The following SH3KBP1 variants were observed in gnomAD, a reference collection of about 807,000 sequenced individuals.
SH3KBP1 encodes SH3 domain-containing kinase-binding protein 1.
In SH3KBP1, 8 loss-of-function variants were observed where a neutral mutation model predicts 50.1. That is an observed-to-expected ratio of 0.16 (90% CI 0.09 to 0.29). The LOEUF (loss-of-function observed/expected upper bound fraction) is 0.29, where lower values mean the gene tolerates loss of function less well. SH3KBP1 is among the 10% of genes least tolerant of loss of function. The pLI is 1.00. For missense variants in SH3KBP1, 377 were observed against 535.2 expected (o/e 0.70, Z 2.92); for synonymous variants, 227 against 218.6 (o/e 1.04, Z -0.34).
intron 3 of SH3KBP1, among the ~76,000 whole-genome samples, chrX:19,711,031 A>AC (rs1266713474): frequency 9.0e-6 from 1 of 111,050 alleles, no homozygotes; most frequent in Non-Finnish European, 1.9e-5. Context: ...TAGATTACTA[A>AC]CCCCCTTTTT....
chrX:19,718,167 C>G (rs980835529), intron 3 of SH3KBP1, among the ~76,000 whole-genome samples: 3 of 110,766 alleles, frequency 2.7e-5, no homozygotes, highest in African/African-American at 9.9e-5. Flanking sequence ...CACACACACA[C>G]ACACACACAC....
intron 7 of SH3KBP1, among the ~76,000 whole-genome samples, chrX:19,634,760 T>G (rs1426939854): frequency 1.8e-5 from 2 of 112,017 alleles, no homozygotes; most frequent in African/African-American, 3.2e-5. Context: ...ATGACCTCAG[T>G]GTCCTCAGGT....
intron 1 of SH3KBP1, among the ~76,000 whole-genome samples, chrX:19,840,695 AT>A (rs1475654700): frequency 8.9e-6 from 1 of 112,525 alleles, no homozygotes; most frequent in East Asian, 2.8e-4. Flanking sequence ...ATTACCTATG[AT>A]TTTTTTAAAG....
chrX:19,618,341 G>A (rs1392627974), intron 8 of SH3KBP1, among the ~76,000 whole-genome samples: 1 of 93,101 alleles, frequency 1.1e-5, no homozygotes, highest in East Asian at 3.3e-4. Flanking sequence ...CCGAGATTTT[G>A]CCACTGTACT....
chrX:19,694,188 T>C (rs73459694), intron 5 of SH3KBP1, among the ~76,000 whole-genome samples: 5,283 of 111,983 alleles, frequency 0.047, 317 homozygotes, highest in African/African-American at 0.16. Flanking sequence ...TTTGGTCCTC[T>C]CTCCAAAAAA....
At chrX:19,744,512 G>C (rs753645054) in intron 3 of SH3KBP1, among the ~76,000 whole-genome samples, 1 of 111,824 alleles carries the variant, frequency 8.9e-6, no homozygotes, top group South Asian at 3.7e-4. Flanking sequence ...AGGAGGTCAG[G>C]GTGAAGCCTC....
chrX:19,730,522 A>G (rs938896933), intron 3 of SH3KBP1, among the ~76,000 whole-genome samples: 2 of 111,590 alleles, frequency 1.8e-5, no homozygotes, highest in African/African-American at 6.5e-5. Flanking sequence ...GAGAGGAAAA[A>G]GAAGCAAGAA....
At chrX:19,607,734 G>T (rs1027135212) in intron 9 of SH3KBP1, among the ~76,000 whole-genome samples, 3 of 111,987 alleles carry the variant, frequency 2.7e-5, no homozygotes, top group Admixed American at 9.5e-5. Flanking sequence ...TGCAACAACC[G>T]CAGAGTAGAG....
intron 2 of SH3KBP1, among the ~76,000 whole-genome samples, chrX:19,823,774 G>T (rs1429828690): frequency 8.9e-6 from 1 of 112,330 alleles, no homozygotes; most frequent in Non-Finnish European, 1.9e-5. Flanking sequence ...GAGTGGGATG[G>T]AGAATCACTG....
intron 3 of SH3KBP1, among the ~76,000 whole-genome samples, chrX:19,741,572 A>G (rs943325406): frequency 4.5e-5 from 5 of 112,247 alleles, no homozygotes; most frequent in African/African-American, 1.6e-4. Context: ...CACTGAATTC[A>G]TGATAAACTG....
intron 8 of SH3KBP1, among the ~76,000 whole-genome samples, chrX:19,613,477 A>C (rs1448180055): frequency 8.9e-6 from 1 of 112,138 alleles, no homozygotes; most frequent in Non-Finnish European, 1.9e-5. Flanking sequence ...AGTAGACCTA[A>C]ACCCTTAGCA....
chrX:19,655,018 T>A (rs988921731), intron 6 of SH3KBP1, among the ~76,000 whole-genome samples: 2 of 112,083 alleles, frequency 1.8e-5, no homozygotes, highest in Admixed American at 1.9e-4. Flanking sequence ...CCCCAATATA[T>A]TTGAATCCCA....
chrX:19,590,648 T>C (rs1418860682), intron 11 of SH3KBP1, among the ~76,000 whole-genome samples: 1 of 94,626 alleles, frequency 1.1e-5, no homozygotes, highest in Non-Finnish European at 2.1e-5. Flanking sequence ...CATCACACAC[T>C]TTTTTTTTTT....
chrX:19,603,114 GGCAGTGGT>G (rs1326420423), intron 9 of SH3KBP1, among the ~76,000 whole-genome samples: 1 of 112,393 alleles, frequency 8.9e-6, no homozygotes, highest in Non-Finnish European at 1.9e-5. Context: ...GGAGGCCGAA[GGCAGTGGT>G]GCAGTGCTCT....
chrX:19,669,055 C>T (rs1369982508), intron 6 of SH3KBP1, among the ~76,000 whole-genome samples: 1 of 94,575 alleles, frequency 1.1e-5, no homozygotes, highest in Admixed American at 1.2e-4. Context: ...CTCAACCTCC[C>T]GGGCTCAGGC....
chrX:19,626,089 C>T (rs763039969), intron 8 of SH3KBP1, among the ~76,000 whole-genome samples: 1 of 111,584 alleles, frequency 9.0e-6, no homozygotes, highest in East Asian at 2.8e-4. Flanking sequence ...ATGATGGTCC[C>T]GGGCTCTTGC....
chrX:19,830,791 A>C (rs183104411), intron 2 of SH3KBP1, among the ~76,000 whole-genome samples: 1 of 111,294 alleles, frequency 9.0e-6, no homozygotes, highest in East Asian at 2.8e-4. Context: ...GAGAGAGAGA[A>C]AGAAAAGAAA....
intron 6 of SH3KBP1, among the ~76,000 whole-genome samples, chrX:19,662,459 C>A (rs1283181151): frequency 8.9e-6 from 1 of 111,962 alleles, no homozygotes; most frequent in Non-Finnish European, 1.9e-5. Context: ...CCTTATCTCC[C>A]AGTATTTGAA....
intron 6 of SH3KBP1, chrX:19,670,818 G>A (rs1261453843): frequency 9.6e-7 from 1 of 1,042,955 alleles, no homozygotes; most frequent in African/African-American, 2.8e-5. Context: ...AGGTTAACTG[G>A]ATTTATTACA....
Sources: gnomAD v4.1 joint callset for allele counts (sites outside exome capture counted in the v4.1 genomes callset) on GRCh38, gnomAD v4.1.1 for gene constraint, MANE v1.5 for transcripts, NCBI Gene and HGNC (gene_info 2026-07-23, HGNC 2026-07-21) for gene names.